The following MARCHF8 variants were observed in gnomAD, a reference collection of about 807,000 sequenced individuals.
MARCHF8 encodes the protein E3 ubiquitin-protein ligase MARCHF8.
Under a neutral mutation model 51.6 loss-of-function variants are expected in MARCHF8, and 40 were observed. That is an observed-to-expected ratio of 0.77 (90% CI 0.60 to 1.01). MARCHF8 has a LOEUF of 1.01. Among genes scored for constraint, MARCHF8 ranks in the 50% least tolerant of loss-of-function variants. The pLI is 0.00. For missense variants in MARCHF8, 685 were observed against 708.6 expected, an observed-to-expected ratio of 0.97 and a Z score of 0.38; for synonymous variants, 263 against 280.3, an observed-to-expected ratio of 0.94 and a Z score of 0.62.
At chr10:45,588,674 T>C (rs1307285081) in intron 1 of MARCHF8, among the ~76,000 whole-genome samples, 2 of 152,186 alleles carry the variant, frequency 1.3e-5, no homozygotes, top group Non-Finnish European at 2.9e-5. Context: ...CTATTGGTTA[T>C]GAATTGTGGT....
chr10:45,572,046 G>A (rs1273635192), intron 1 of MARCHF8, among the ~76,000 whole-genome samples: 2 of 152,140 alleles, frequency 1.3e-5, no homozygotes, highest in Non-Finnish European at 2.9e-5. Flanking sequence ...GTCAATTGCA[G>A]GGACACCTGC....
At chr10:45,472,015 A>C (rs1193898195) in intron 3 of MARCHF8, among the ~76,000 whole-genome samples, 2 of 152,266 alleles carry the variant, frequency 1.3e-5, no homozygotes, top group Non-Finnish European at 2.9e-5. Flanking sequence ...CCCTGGCCCA[A>C]GATGCACAGA....
chr10:45,454,714 A>G lies in MARCHF8; in HGVS notation c.*3525T>C, dbSNP rs1383070538. 1.3e-5 allele frequency: 2 copies of G among 152,264 alleles called. No individual in the cohort carries two copies. Among genetic ancestry groups the G allele is most frequent in the Non-Finnish European group, 2.9e-5 (2 of 68,044 alleles). 9.4% of individuals were successfully genotyped at this position (152,264 alleles called of 1,614,324 possible). A position where few individuals can be genotyped will look rare whatever the true frequency, so the allele number is the denominator to read the frequency against. On this transcript the variant is annotated 3_prime_UTR_variant, in exon 8 of 8. Coordinates refer to ENST00000453424, the MANE Select transcript of MARCHF8 (RefSeq NM_001282866.2). The stretch of plus-strand genomic sequence containing the variant: ...AACACACACAAAAGAATACAAAACT[A>G]GACATTTAGATCACTAGAAACTTTC...
chr10:45,463,848 A>T lies in MARCHF8; in HGVS notation c.391T>A (p.Ser131Thr), dbSNP rs547982506. ...KDTLQASKRNSFGSEWAQALK... is the reference protein window; with the variant it reads ...KDTLQASKRNTFGSEWAQALK... ...GCCTGGGCCCATTCTGAACCAAAGG[A>T]ATTTCTCTTTGACGCCTGTAATGTG... Residue 131 changes from serine to threonine, a missense_variant, in exon 5 of 8, where the codon TCC (serine) becomes ACC (threonine). Coordinates refer to ENST00000453424, the MANE Select transcript of MARCHF8 (RefSeq NM_001282866.2). 6.5e-7 allele frequency: 1 copy of T among 1,542,624 alleles called. No homozygotes were observed. The highest frequency in any genetic ancestry group is 8.7e-7 in the Non-Finnish European group (1 of 1,147,002).
chr10:45,518,426 G>A (rs1275813960), intron 2 of MARCHF8, among the ~76,000 whole-genome samples: 1 of 152,112 alleles, frequency 6.6e-6, no homozygotes, highest in Non-Finnish European at 1.5e-5. Context: ...CAACAGCAAT[G>A]GTATGTCCTT....
At chr10:45,553,837 A>G (rs916008732) in intron 1 of MARCHF8, among the ~76,000 whole-genome samples, 1 of 151,668 alleles carries the variant, frequency 6.6e-6, no homozygotes, top group Non-Finnish European at 1.5e-5. Context: ...GGACATGCAC[A>G]CACACACACA....
chr10:45,512,517 G>A (rs902035070), intron 2 of MARCHF8, among the ~76,000 whole-genome samples: 3 of 150,378 alleles, frequency 2.0e-5, no homozygotes, highest in African/African-American at 7.3e-5. Flanking sequence ...AGTCCGGGAG[G>A]TGAGGGGCGC....
intron 4 of MARCHF8, 114 bp from the exon 5 acceptor site, chr10:45,464,110 C>T (rs938867474): frequency 9.2e-6 from 14 of 1,526,272 alleles, no homozygotes; most frequent in African/African-American, 8.2e-5. Context: ...GCAAACCACA[C>T]ATAAAACTCG....
At chr10:45,570,451 T>G (rs1212893604) in intron 1 of MARCHF8, among the ~76,000 whole-genome samples, 6 of 152,122 alleles carry the variant, frequency 3.9e-5, no homozygotes, top group African/African-American at 1.4e-4. Flanking sequence ...AAAATAAAAA[T>G]TTTAGCACAC....
At chr10:45,493,325 A>T (rs2043118271) in intron 2 of MARCHF8, among the ~76,000 whole-genome samples, 1 of 152,182 alleles carries the variant, frequency 6.6e-6, no homozygotes, top group South Asian at 2.1e-4. Flanking sequence ...CTGGCAAATT[A>T]TTTACAGCTC....
chr10:45,572,131 C>A (rs540567265), intron 1 of MARCHF8, among the ~76,000 whole-genome samples: 2 of 149,662 alleles, frequency 1.3e-5, no homozygotes, highest in Non-Finnish European at 3.0e-5. Context: ...TGTGTCCCCA[C>A]CCCTTCTCCA....
chr10:45,469,864 C>CAAAA lies in MARCHF8; in HGVS notation c.154-5541_154-5538dup, dbSNP rs55832920. Among the ~76,000 whole-genome samples the CAAAA allele has an allele frequency of 3.0e-4, 17 of 57,034 alleles. 2 individuals are homozygous for CAAAA. The highest frequency in any genetic ancestry group is 2.4e-4 in the Non-Finnish European group (8 of 33,912). The allele number at this position is 57,034 out of a possible 152,430, so 37.4% of individuals were successfully genotyped here. A position where few individuals can be genotyped will look rare whatever the true frequency, so the allele number is the denominator to read the frequency against. On this transcript the variant is annotated intron_variant, in intron 3 of 7. Coordinates refer to ENST00000453424, the MANE Select transcript of MARCHF8 (RefSeq NM_001282866.2). ...TGGGCGACAGAGTGAGACTCCGTCT[C>CAAAA]AAAAAAAAAAAAAAAAAAAAAAAAA...
At chr10:45,584,006 CAAAAAAAAA>C (rs67624741) in intron 1 of MARCHF8, among the ~76,000 whole-genome samples, 11 of 53,050 alleles carry the variant, frequency 2.1e-4, no homozygotes, top group Non-Finnish European at 3.2e-4. Flanking sequence ...ACTTCATTTC[CAAAAAAAAA>C]AAAAAAAAAA....
At chr10:45,563,190 G>T (rs565035929) in intron 1 of MARCHF8, among the ~76,000 whole-genome samples, 34 of 151,956 alleles carry the variant, frequency 2.2e-4, no homozygotes, top group Non-Finnish European at 4.0e-4. Flanking sequence ...CCATACCTGG[G>T]TAATTTTTTT....
intron 3 of MARCHF8, among the ~76,000 whole-genome samples, chr10:45,468,771 A>C (rs1250146750): frequency 6.6e-6 from 1 of 152,242 alleles, no homozygotes; most frequent in African/African-American, 2.4e-5. Flanking sequence ...CACAATGAGA[A>C]ATACAAATTA....
At chr10:45,593,991 G>A (rs531646597) in intron 1 of MARCHF8, among the ~76,000 whole-genome samples, 1 of 152,258 alleles carries the variant, frequency 6.6e-6, no homozygotes, top group Admixed American at 6.5e-5. Flanking sequence ...GTGATAGTGA[G>A]GCAGAAAAGG....
intron 3 of MARCHF8, among the ~76,000 whole-genome samples, chr10:45,475,205 C>T (rs2042764770): frequency 6.6e-6 from 1 of 152,198 alleles, no homozygotes; most frequent in Non-Finnish European, 1.5e-5. Context: ...AGCCACTGCA[C>T]GTTTTCACAA....
chr10:45,503,500 T>G (rs143681225), intron 2 of MARCHF8, among the ~76,000 whole-genome samples: 80 of 151,744 alleles, frequency 5.3e-4, no homozygotes, highest in African/African-American at 1.7e-3. Flanking sequence ...ATCGTGCCAC[T>G]GCATTCCAGC....
intron 3 of MARCHF8, among the ~76,000 whole-genome samples, chr10:45,478,568 T>TAA (rs3086168): frequency 0.24 from 30,736 of 129,716 alleles, 3,399 homozygotes; most frequent in Admixed American, 0.31. Flanking sequence ...AAATAGGAGC[T>TAA]AAAAAAAAAA....
Sources: gnomAD v4.1 joint callset for allele counts (sites outside exome capture counted in the v4.1 genomes callset) on GRCh38, gnomAD v4.1.1 for gene constraint, MANE v1.5 for transcripts, NCBI Gene and HGNC (gene_info 2026-07-23, HGNC 2026-07-21) for gene names.